FBN2: variants seen among roughly 807,000 people sequenced by gnomAD.
FBN2 encodes the protein fibrillin-2.
Under a neutral mutation model 355.6 loss-of-function variants are expected in FBN2, and 105 were observed. The ratio of observed to expected loss-of-function variants is 0.30; its 90% CI spans 0.25 to 0.35. FBN2 has a LOEUF of 0.35. FBN2 is among the 10% of genes least tolerant of loss of function. The pLI, the probability that FBN2 is intolerant of heterozygous loss-of-function variation, is 1.00. For synonymous variants in FBN2, 1,350 were observed against 1,301.2 expected (o/e 1.04, Z -0.81); for missense variants, 3,280 against 3,758.7 (o/e 0.87, Z 3.33).
At chr5:128,511,789 T>A (rs1397764557) in intron 5 of FBN2, among the ~76,000 whole-genome samples, 1 of 152,190 alleles carries the variant, frequency 6.6e-6, no homozygotes, top group Non-Finnish European at 1.5e-5. Flanking sequence ...GACTCCTCTC[T>A]GTACTGTTTG....
At chr5:128,488,490 C>CT (rs928146687) in intron 5 of FBN2, among the ~76,000 whole-genome samples, 13 of 151,724 alleles carry the variant, frequency 8.6e-5, no homozygotes, top group Middle Eastern at 3.4e-3. Flanking sequence ...GATTTTATTT[C>CT]TTTTTTTTAA....
intron 8 of FBN2, among the ~76,000 whole-genome samples, chr5:128,404,888 C>A (rs1461221503): frequency 2.0e-5 from 3 of 152,198 alleles, no homozygotes; most frequent in Non-Finnish European, 4.4e-5. Flanking sequence ...AAAAGCGATA[C>A]TGGCCAGAGG....
intron 5 of FBN2, 107 bp from the exon 6 acceptor site, chr5:128,465,028 T>C: frequency 2.8e-6 from 3 of 1,088,096 alleles, no homozygotes; most frequent in Non-Finnish European, 4.2e-6. Context: ...GACCAAAGTG[T>C]CCAAAGACAG....
intron 5 of FBN2, among the ~76,000 whole-genome samples, chr5:128,489,966 G>A (rs542188447): frequency 1.3e-5 from 2 of 152,136 alleles, no homozygotes; most frequent in African/African-American, 2.4e-5. Context: ...GCAGACCTGG[G>A]TTTAAATCTC....
At chr5:128,309,490 A>T in intron 40 of FBN2, 91 bp from the exon 41 acceptor site, 2 of 1,093,542 alleles carry the variant, frequency 1.8e-6, no homozygotes, top group South Asian at 2.6e-5. Flanking sequence ...AGCTTTCCTG[A>T]TGAACACAAC....
At chr5:128,475,302 T>C (rs1407390982) in intron 5 of FBN2, among the ~76,000 whole-genome samples, 1 of 152,184 alleles carries the variant, frequency 6.6e-6, no homozygotes, top group Non-Finnish European at 1.5e-5. Flanking sequence ...TATAACTTAC[T>C]AGTATTGGTA....
At chr5:128,380,862 C>T (rs897881906) in intron 11 of FBN2, among the ~76,000 whole-genome samples, 5 of 151,984 alleles carry the variant, frequency 3.3e-5, no homozygotes, top group Non-Finnish European at 5.9e-5. Flanking sequence ...TACTTAAATA[C>T]TACGTTCTGT....
rs2126954772 is a variant in FBN2, at chr5:128,374,732, G to A, written c.1991C>T (p.Thr664Ile). 1.2e-6 allele frequency: 2 copies of A among 1,613,898 alleles called. No homozygotes were observed. Among genetic ancestry groups the A allele is most frequent in the Non-Finnish European group, 1.7e-6 (2 of 1,179,866 alleles). ...RYCTDVDECQ[T>I]PGICMNGHCI... ...GTGCCCATTCATGCAGATTCCTGGG[G>A]TCTGGCATTCATCAACATCTGTGCA... is the stretch of plus-strand genomic sequence containing the variant. The change falls in exon 15 of 65, where the codon ACC becomes ATC. Residue 664 changes from threonine (T) to isoleucine (I), a missense_variant. Thr to Ile is a moderately conservative substitution (Grantham distance 89). Transcript: ENST00000262464.
At chr5:128,387,458 T>A (rs1220850160) in intron 11 of FBN2, among the ~76,000 whole-genome samples, 2 of 152,180 alleles carry the variant, frequency 1.3e-5, no homozygotes, top group African/African-American at 4.8e-5. Flanking sequence ...ACATCTCAAC[T>A]TCATTCGGTT....
chr5:128,437,815 T>TAGACAGACAGAC (rs1418072008), intron 7 of FBN2, among the ~76,000 whole-genome samples: 4 of 109,270 alleles, frequency 3.7e-5, no homozygotes, highest in African/African-American at 1.1e-4. Flanking sequence ...GATAGATAGA[T>TAGACAGACAGAC]AGATAGACAG....
intron 11 of FBN2, among the ~76,000 whole-genome samples, chr5:128,381,441 A>G (rs139917350): frequency 2.0e-5 from 3 of 152,202 alleles, no homozygotes; most frequent in East Asian, 1.9e-4. Context: ...TCCTCAAAAC[A>G]TTAGCGCAGC....
chr5:128,455,990 CAAAAAAAAAAAAAAAAAAA>C (rs70997371), intron 6 of FBN2, among the ~76,000 whole-genome samples: 838 of 25,332 alleles, frequency 0.033, 41 homozygotes, highest in African/African-American at 0.086. Flanking sequence ...GGGTTAGCAA[CAAAAAAAAAAAAAAAAAAA>C]AAAAAAAAAA....
intron 5 of FBN2, among the ~76,000 whole-genome samples, chr5:128,487,838 C>A (rs1755379597): frequency 6.6e-6 from 1 of 152,130 alleles, no homozygotes; most frequent in East Asian, 1.9e-4. Flanking sequence ...ATCCATATGA[C>A]ATATAAACTA....
intron 55 of FBN2, among the ~76,000 whole-genome samples, chr5:128,281,520 GTT>G (rs1358297511): frequency 6.6e-6 from 1 of 152,116 alleles, no homozygotes; most frequent in Non-Finnish European, 1.5e-5. Context: ...CACCTGCCAT[GTT>G]GATGTTATCT....
At chr5:128,288,693 TTGGC>T in intron 52 of FBN2, 136 bp from the exon 53 acceptor site, 1 of 995,820 alleles carries the variant, frequency 1.0e-6, no homozygotes, top group Non-Finnish European at 1.6e-6. Context: ...CCCTTGGGCC[TTGGC>T]TGGCTGGCAG....
intron 5 of FBN2, among the ~76,000 whole-genome samples, chr5:128,488,368 C>T (rs1025035503): frequency 5.3e-5 from 8 of 152,100 alleles, no homozygotes; most frequent in East Asian, 1.9e-4. Flanking sequence ...TTCAATCTAT[C>T]GTGTATCTTA....
intron 48 of FBN2, 104 bp downstream of exon 48, chr5:128,300,713 G>A: frequency 8.8e-7 from 1 of 1,133,380 alleles, no homozygotes; most frequent in Non-Finnish European, 1.3e-6. Flanking sequence ...AATTCCTTAG[G>A]TCAGCATGCT....
chr5:128,383,907 T>A, intron 11 of FBN2, among the ~76,000 whole-genome samples: 1 of 152,068 alleles, frequency 6.6e-6, no homozygotes, highest in East Asian at 1.9e-4. Context: ...ATTAAATATA[T>A]TCTTCTCACA....
intron 4 of FBN2, among the ~76,000 whole-genome samples, chr5:128,519,775 G>A (rs1225846028): frequency 6.6e-6 from 1 of 151,796 alleles, no homozygotes; most frequent in Non-Finnish European, 1.5e-5. Context: ...GAAAAAAGAG[G>A]CCGATCCCGG....
Sources: gnomAD v4.1 joint callset for allele counts (sites outside exome capture counted in the v4.1 genomes callset) on GRCh38, gnomAD v4.1.1 for gene constraint, MANE v1.5 for transcripts, NCBI Gene and HGNC (gene_info 2026-07-23, HGNC 2026-07-21) for gene names.